The following SLC2A13 variants were observed in gnomAD, a reference collection of about 807,000 sequenced individuals.
The protein encoded by SLC2A13 is solute carrier family 2 member 13.
In SLC2A13, 32 loss-of-function variants were observed where a neutral mutation model predicts 64.4. The observed-to-expected ratio is 0.50, with a 90% confidence interval of 0.37 to 0.67. SLC2A13 has a LOEUF of 0.67. Ranked by LOEUF, SLC2A13 falls within the 30% of genes least tolerant of loss-of-function variation. The probability of loss-of-function intolerance (pLI) is 0.00; values close to 1 mark genes in which losing one functional copy is unlikely to be tolerated. For missense variants in SLC2A13, 743 were observed against 829.2 expected, an observed-to-expected ratio of 0.90 and a Z score of 1.28; for synonymous variants, 338 against 327.1, an observed-to-expected ratio of 1.03 and a Z score of -0.36.
At chr12:39,797,741 C>CAT (rs148812361) in intron 7 of SLC2A13, among the ~76,000 whole-genome samples, 6,316 of 30,840 alleles carry the variant, frequency 0.2, 244 homozygotes, top group South Asian at 0.29. Flanking sequence ...CACACACACA[C>CAT]ACACACACAC....
chr12:39,809,748 C>T (rs1022023830), intron 7 of SLC2A13, among the ~76,000 whole-genome samples: 21 of 152,174 alleles, frequency 1.4e-4, no homozygotes, highest in East Asian at 7.7e-4. Flanking sequence ...TGAGTGAGAA[C>T]ATGCGGTGTT....
At chr12:40,007,710 A>G (rs183529565) in intron 3 of SLC2A13, among the ~76,000 whole-genome samples, 4 of 152,238 alleles carry the variant, frequency 2.6e-5, no homozygotes, top group Admixed American at 2.0e-4. Flanking sequence ...TTCTCTATCA[A>G]TTTTTACAAC....
intron 7 of SLC2A13, among the ~76,000 whole-genome samples, chr12:39,783,990 A>T (rs1941093036): frequency 6.6e-6 from 1 of 152,222 alleles, no homozygotes; most frequent in Admixed American, 6.5e-5. Context: ...TTCAAAGAGA[A>T]TAAAATACCT....
intron 6 of SLC2A13, among the ~76,000 whole-genome samples, chr12:39,839,008 C>T (rs74086732): frequency 0.016 from 2,409 of 152,196 alleles, 61 homozygotes; most frequent in African/African-American, 0.055. Context: ...ATTTCATTTT[C>T]TGCAGGTAAT....
intron 1 of SLC2A13, among the ~76,000 whole-genome samples, chr12:40,072,613 A>G (rs1938006109): frequency 6.6e-6 from 1 of 152,140 alleles, no homozygotes; most frequent in Admixed American, 6.5e-5. Flanking sequence ...CACTTTTACC[A>G]TTATAGAACT....
At chr12:39,866,486 AT>A (rs530669968) in intron 5 of SLC2A13, among the ~76,000 whole-genome samples, 97 of 147,538 alleles carry the variant, frequency 6.6e-4, no homozygotes, top group African/African-American at 1.0e-3. Context: ...TATTTGAAAG[AT>A]TTTTTTTTTT....
intron 7 of SLC2A13, among the ~76,000 whole-genome samples, chr12:39,800,032 A>G (rs550221109): frequency 7.9e-5 from 12 of 152,296 alleles, no homozygotes; most frequent in African/African-American, 2.9e-4. Context: ...TGAAAAGCAG[A>G]TTTTTGCCAA....
intron 3 of SLC2A13, among the ~76,000 whole-genome samples, chr12:39,959,713 G>A (rs1946376174): frequency 6.6e-6 from 1 of 151,994 alleles, no homozygotes; most frequent in Non-Finnish European, 1.5e-5. Flanking sequence ...ATGGGAGTGT[G>A]GTATGTTGCT....
chr12:39,787,978 GA>G (rs1941251267), intron 7 of SLC2A13, among the ~76,000 whole-genome samples: 1 of 152,118 alleles, frequency 6.6e-6, no homozygotes, highest in African/African-American at 2.4e-5. Flanking sequence ...TTCTATCATA[GA>G]AATTTGGCCA....
intron 7 of SLC2A13, among the ~76,000 whole-genome samples, chr12:39,767,862 C>G (rs1032260251): frequency 6.6e-6 from 1 of 152,010 alleles, no homozygotes; most frequent in African/African-American, 2.4e-5. Flanking sequence ...CTTCCTGTCG[C>G]CATGTGAAGA....
chr12:40,092,929 T>C (rs1482069675), intron 1 of SLC2A13, among the ~76,000 whole-genome samples: 1 of 152,206 alleles, frequency 6.6e-6, no homozygotes, highest in Non-Finnish European at 1.5e-5. Flanking sequence ...TTCCCACAAA[T>C]CTGTCTGCCA....
intron 3 of SLC2A13, among the ~76,000 whole-genome samples, chr12:39,965,133 T>C (rs961201284): frequency 1.3e-5 from 2 of 152,322 alleles, no homozygotes; most frequent in Admixed American, 1.3e-4. Context: ...CACAGTTCTA[T>C]GTATTCCTGA....
chr12:39,782,305 G>A (rs536526058), intron 7 of SLC2A13, among the ~76,000 whole-genome samples: 17 of 152,226 alleles, frequency 1.1e-4, no homozygotes, highest in Non-Finnish European at 1.8e-4. Flanking sequence ...CCTACGTGTT[G>A]TGGAAGGTAC....
chr12:39,803,934 T>A (rs1941885853), intron 7 of SLC2A13, among the ~76,000 whole-genome samples: 1 of 151,796 alleles, frequency 6.6e-6, no homozygotes. Flanking sequence ...TCAAGATACA[T>A]CAGTATGAAG....
intron 6 of SLC2A13, among the ~76,000 whole-genome samples, chr12:39,836,650 AC>A (rs1943014684): frequency 7.0e-6 from 1 of 142,070 alleles, no homozygotes; most frequent in African/African-American, 2.7e-5. Context: ...GTCTCAGGAT[AC>A]AAAATCAATG....
intron 4 of SLC2A13, among the ~76,000 whole-genome samples, chr12:39,906,734 A>C (rs1299921813): frequency 6.6e-6 from 1 of 152,112 alleles, no homozygotes; most frequent in Non-Finnish European, 1.5e-5. Context: ...ATTCTTATTA[A>C]AGTGAGAGCT....
At chr12:39,796,085 A>G (rs533243563) in intron 7 of SLC2A13, among the ~76,000 whole-genome samples, 4 of 152,130 alleles carry the variant, frequency 2.6e-5, no homozygotes, top group East Asian at 3.8e-4. Flanking sequence ...TACTCTGTGT[A>G]TGGATTTGCT....
intron 6 of SLC2A13, among the ~76,000 whole-genome samples, chr12:39,832,513 T>C (rs1054489534): frequency 2.6e-5 from 4 of 152,034 alleles, no homozygotes; most frequent in South Asian, 2.1e-4. Flanking sequence ...AACAAATAAC[T>C]TCCTCCACCA....
At chr12:39,887,536 T>C (rs1405555343) in intron 4 of SLC2A13, among the ~76,000 whole-genome samples, 2 of 152,178 alleles carry the variant, frequency 1.3e-5, no homozygotes, top group Non-Finnish European at 2.9e-5. Flanking sequence ...AGGCCCTCAC[T>C]CCTTGTGTGT....
Sources: gnomAD v4.1 joint callset for allele counts (sites outside exome capture counted in the v4.1 genomes callset) on GRCh38, gnomAD v4.1.1 for gene constraint, MANE v1.5 for transcripts, NCBI Gene and HGNC (gene_info 2026-07-23, HGNC 2026-07-21) for gene names.